ARHGAP1: variants seen among roughly 807,000 people sequenced by gnomAD.
ARHGAP1 encodes the protein Rho GTPase activating protein 1, also known as rho GTPase-activating protein 1.
ARHGAP1 carries 23 observed loss-of-function variants against 52.2 expected under a neutral mutation model. The ratio of observed to expected loss-of-function variants is 0.44; its 90% CI spans 0.32 to 0.62. The LOEUF is 0.62. ARHGAP1 is among the 20% of genes least tolerant of loss of function. ARHGAP1 has a pLI of 0.05. For missense variants in ARHGAP1, 480 were observed against 560.9 expected (o/e 0.86, Z 1.46); for synonymous variants, 210 against 228.4 (o/e 0.92, Z 0.73).
At chr11:46,689,754 T>C (rs1227776030) in intron 3 of ARHGAP1, among the ~76,000 whole-genome samples, 2 of 152,130 alleles carry the variant, frequency 1.3e-5, no homozygotes, top group East Asian at 3.9e-4. Context: ...TTGGCCAAGC[T>C]GGTCTCGAAC....
At chr11:46,692,665 T>C (rs1473440755) in intron 3 of ARHGAP1, among the ~76,000 whole-genome samples, 1 of 152,136 alleles carries the variant, frequency 6.6e-6, no homozygotes, top group Non-Finnish European at 1.5e-5. Context: ...ACCTCCATGA[T>C]GTTATATGAC....
chr11:46,696,394 C>T lies in ARHGAP1; in HGVS notation c.-49-238G>A, dbSNP rs2064655132. On this transcript the variant is annotated intron_variant, in intron 1 of 12. Coordinates refer to ENST00000311956, the MANE Select transcript of ARHGAP1 (RefSeq NM_004308.5). This position sits in a 1 kb window ranked among gnomAD's most constrained non-coding sequence, Gnocchi z 4.8. ...GAGGATGGCACAGCTCAGCGCCTCC[C>T]TCCAGGCCCTGCAGCTGGGGAGGGA... 6.6e-6 allele frequency among the ~76,000 whole-genome samples: 1 copy of T among 152,202 alleles called. No homozygotes were observed. Among genetic ancestry groups the T allele is most frequent in the African/African-American group, 2.4e-5 (1 of 41,446 alleles).
chr11:46,682,300 C>T, intron 4 of ARHGAP1, 118 bp from the exon 5 acceptor site: 2 of 1,356,168 alleles, frequency 1.5e-6, no homozygotes, highest in Non-Finnish European at 1.0e-6. Context: ...AGGCCCTCCC[C>T]TAGCACAGTC....
chr11:46,679,831 T>C lies in ARHGAP1; in HGVS notation c.899-55A>G, dbSNP rs1242367197. ...GGCACAGCCTGAAGGGCAGCACCCA[T>C]CTGCAGACAACGCGGGCCGCACTGC... On this transcript the variant is annotated intron_variant, in intron 10 of 12. Coordinates refer to ENST00000311956, the MANE Select transcript of ARHGAP1 (RefSeq NM_004308.5). This position sits in a 1 kb window ranked among gnomAD's most constrained non-coding sequence, Gnocchi z 4.4. 6.2e-7 allele frequency: 1 copy of C among 1,607,922 alleles called. No individual in the cohort carries two copies. The highest frequency in any genetic ancestry group is 8.5e-7 in the Non-Finnish European group (1 of 1,178,424).
rs560693725 is a variant in ARHGAP1, at chr11:46,696,382, C to A, written c.-49-226G>T. Among the ~76,000 whole-genome samples the A allele has an allele frequency of 1.3e-4, 20 of 152,276 alleles. No homozygotes were observed. In the East Asian group the frequency reaches 3.9e-3, roughly 29 times the overall value. ...GCAGCTGGGGCAGAGGATGGCACAG[C>A]TCAGCGCCTCCCTCCAGGCCCTGCA... On this transcript the variant is annotated intron_variant, in intron 1 of 12. Coordinates refer to ENST00000311956, the MANE Select transcript of ARHGAP1 (RefSeq NM_004308.5). This position sits in a 1 kb window ranked among gnomAD's most constrained non-coding sequence, Gnocchi z 4.8.
At position 46,688,396 on chromosome 11, in the gene ARHGAP1, C is replaced by T. The variant is rs567068139; in HGVS notation, c.230-136G>A. ...CAGAGTGCCCATGCAGACAGACCTC[C>T]GGGCAGCCTCCTGCATGCAAGGGTG... On this transcript the variant is annotated intron_variant, in intron 3 of 12. Transcript: ENST00000311956. 14 of 827,102 alleles carry T rather than the reference C, an allele frequency of 1.7e-5. No individual in the cohort carries two copies. The East Asian group carries it at 2.4e-4, about 14-fold the overall frequency. 51.2% of individuals were successfully genotyped at this position (827,102 alleles called of 1,614,324 possible). A position where few individuals can be genotyped will look rare whatever the true frequency, so the allele number is the denominator to read the frequency against.
chr11:46,696,279 C>A lies in ARHGAP1; in HGVS notation c.-49-123G>T, dbSNP rs1471579698. 1.5e-5 allele frequency: 10 copies of A among 648,968 alleles called. No individual in the cohort carries two copies. Among genetic ancestry groups the A allele is most frequent in the Non-Finnish European group, 2.6e-5 (10 of 384,852 alleles). The allele number at this position is 648,968 out of a possible 1,614,324, so 40.2% of individuals were successfully genotyped here. A position where few individuals can be genotyped will look rare whatever the true frequency, so the allele number is the denominator to read the frequency against. On this transcript the variant is annotated intron_variant, in intron 1 of 12. Transcript: ENST00000311956. The surrounding 1 kb of genome is among the most constrained non-coding windows in gnomAD (Gnocchi z 4.8). ...CAGGCTCCCTGTCCCTATTCCTCAACACTCCTCATCCCCGCCAAGAGCTCC... is the reference window on the plus strand; with the variant it reads ...CAGGCTCCCTGTCCCTATTCCTCAAAACTCCTCATCCCCGCCAAGAGCTCC...
At position 46,680,031 on chromosome 11, in the gene ARHGAP1, GC is replaced by G. The variant is rs1219428168; in HGVS notation, c.898+173del. On this transcript the variant is annotated intron_variant, in intron 10 of 12. Coordinates refer to ENST00000311956, the MANE Select transcript of ARHGAP1 (RefSeq NM_004308.5). This position sits in a 1 kb window ranked among gnomAD's most constrained non-coding sequence, Gnocchi z 5.9. Reference sequence around the variant, plus strand: ...ATGTGCCTATACCCAGGACCCGGGAGCCCGACCGATGAGGCAGCAGGCCTGG... The same window carrying G: ...ATGTGCCTATACCCAGGACCCGGGAGCCGACCGATGAGGCAGCAGGCCTGG... Among the ~76,000 whole-genome samples the G allele has an allele frequency of 6.6e-6, 1 of 152,184 alleles. No individual in the cohort carries two copies. The highest frequency in any genetic ancestry group is 1.5e-5 in the Non-Finnish European group (1 of 68,026).
At position 46,680,763 on chromosome 11, in the gene ARHGAP1, G is replaced by A. The variant is rs755934543; in HGVS notation, c.636-16C>T. The A allele has an allele frequency of 2.0e-5, 30 of 1,520,960 alleles. No individual in the cohort carries two copies. The African/African-American group carries it at 3.5e-4, about 18-fold the overall frequency. 94.2% of individuals were successfully genotyped at this position (1,520,960 alleles called of 1,614,324 possible). ...GTCGTCATATCTGTAGGAGTAGAGGGAGGTGGGTCAGGTCCTGCCTGGCTC... is the reference window on the plus strand; with the variant it reads ...GTCGTCATATCTGTAGGAGTAGAGGAAGGTGGGTCAGGTCCTGCCTGGCTC... On this transcript the variant is annotated splice_polypyrimidine_tract_variant and intron_variant, in intron 7 of 12. Coordinates refer to ENST00000311956, the MANE Select transcript of ARHGAP1 (RefSeq NM_004308.5). The surrounding 1 kb of genome is among the most constrained non-coding windows in gnomAD (Gnocchi z 5.9).
chr11:46,678,069 C>T lies in ARHGAP1; in HGVS notation c.*968G>A. The T allele has an allele frequency of 3.1e-6, 1 of 327,758 alleles. No homozygotes were observed. Among genetic ancestry groups the T allele is most frequent in the Non-Finnish European group, 6.0e-6 (1 of 167,222 alleles). 20.3% of individuals were successfully genotyped at this position (327,758 alleles called of 1,614,324 possible). Reference sequence around the variant, plus strand: ...TCCTACGGGCACTCTTAGTCTCTACCCCAGCCCCTTTAAGAGTCCCCCAGC... The same window carrying T: ...TCCTACGGGCACTCTTAGTCTCTACTCCAGCCCCTTTAAGAGTCCCCCAGC... On this transcript the variant is annotated 3_prime_UTR_variant, in exon 13 of 13. Transcript: ENST00000311956.
chr11:46,693,300 C>CA (rs2064628581), intron 3 of ARHGAP1, among the ~76,000 whole-genome samples: 1 of 143,988 alleles, frequency 6.9e-6, no homozygotes, highest in Non-Finnish European at 1.5e-5. Context: ...CCTGGCTGCA[C>CA]TTTTTTTTTT....
In ARHGAP1 at chr11:46,680,117, G is replaced by C. The variant is rs1013226625; in HGVS notation, c.898+88C>G. ...GAAACCTCCAGCAGGAAGAGACTCTGAGACTCTCATTTACAGGGCAGCAGA... is the reference window on the plus strand; with the variant it reads ...GAAACCTCCAGCAGGAAGAGACTCTCAGACTCTCATTTACAGGGCAGCAGA... On this transcript the variant is annotated intron_variant, in intron 10 of 12. Coordinates refer to ENST00000311956, the MANE Select transcript of ARHGAP1 (RefSeq NM_004308.5). The surrounding 1 kb of genome is among the most constrained non-coding windows in gnomAD (Gnocchi z 5.9). 5 of 1,432,156 alleles carry C rather than the reference G, an allele frequency of 3.5e-6. No individual in the cohort carries two copies. The highest frequency in any genetic ancestry group is 1.7e-5 in the Admixed American group (1 of 59,640). The allele number at this position is 1,432,156 out of a possible 1,614,324, so 88.7% of individuals were successfully genotyped here.
Position 46,686,062 on chromosome 11 carries a change from C to T in ARHGAP1, c.317+2111G>A, listed in dbSNP as rs981035384. On this transcript the variant is annotated intron_variant, in intron 4 of 12. Transcript: ENST00000311956. ...TCTGGGCTCACTGAAATCTCTGCCT[C>T]CCGGGTTCAAGTAATTCTTCTGCCT... Among the ~76,000 whole-genome samples, 64 of 151,542 alleles carry T rather than the reference C, an allele frequency of 4.2e-4. 1 individual carries two copies. Among genetic ancestry groups the T allele is most frequent in the Non-Finnish European group, 5.9e-5 (4 of 67,958 alleles).
intron 4 of ARHGAP1, among the ~76,000 whole-genome samples, chr11:46,684,020 A>C (rs1007135504): frequency 6.6e-6 from 1 of 152,182 alleles, no homozygotes; most frequent in African/African-American, 2.4e-5. Flanking sequence ...CTGGGCAGGC[A>C]GAATGCTAAG....
intron 3 of ARHGAP1, among the ~76,000 whole-genome samples, chr11:46,690,803 C>T (rs1048469415): frequency 6.6e-6 from 1 of 152,116 alleles, no homozygotes; most frequent in Non-Finnish European, 1.5e-5. Context: ...CCCTGACAGG[C>T]TTGTGAGCAG....
chr11:46,688,393 C>T, intron 3 of ARHGAP1, 133 bp from the exon 4 acceptor site: 1 of 849,138 alleles, frequency 1.2e-6, no homozygotes, highest in Non-Finnish European at 1.9e-6. Flanking sequence ...GCAGACAGAC[C>T]TCCGGGCAGC....
At position 46,679,676 on chromosome 11, in the gene ARHGAP1, G is replaced by T. The variant is rs765265297; in HGVS notation, c.999C>A (p.Asp333Glu). 6.2e-7 allele frequency: 1 copy of T among 1,614,130 alleles called. No homozygotes were observed. Among genetic ancestry groups the T allele is most frequent in the Non-Finnish European group, 8.5e-7 (1 of 1,180,010 alleles). The change falls in exon 11 of 13, where the codon GAC becomes GAA. Residue 333 changes from aspartate (D) to glutamate (E), a missense_variant. Asp to Glu is a conservative substitution (Grantham distance 45, BLOSUM62 2). Coordinates refer to ENST00000311956, the MANE Select transcript of ARHGAP1 (RefSeq NM_004308.5). This position sits in a 1 kb window ranked among gnomAD's most constrained non-coding sequence, Gnocchi z 4.4. ...GGAAGCCCACCACATGGGGGTAGAG[G>T]TCAAAGGTGAGCAGGGGCTCAGGAA... ...RELPEPLLTF[D>E]LYPHVVGFLN...
Position 46,696,822 on chromosome 11 carries a change from T to C in ARHGAP1, c.-49-666A>G, listed in dbSNP as rs1470296378. On this transcript the variant is annotated intron_variant, in intron 1 of 12. Coordinates refer to ENST00000311956, the MANE Select transcript of ARHGAP1 (RefSeq NM_004308.5). The surrounding 1 kb of genome is among the most constrained non-coding windows in gnomAD (Gnocchi z 4.8). ...AGGCGGAGGTTGCAGTGAGCCGAGATTGTGCCATTGCACTTCCAGCCTAGG... is the reference window on the plus strand; with the variant it reads ...AGGCGGAGGTTGCAGTGAGCCGAGACTGTGCCATTGCACTTCCAGCCTAGG... Among the ~76,000 whole-genome samples the C allele has an allele frequency of 6.6e-6, 1 of 152,166 alleles. No homozygotes were observed. Among genetic ancestry groups the C allele is most frequent in the Non-Finnish European group, 1.5e-5 (1 of 68,030 alleles).
Position 46,681,122 on chromosome 11 carries a change from G to C in ARHGAP1, c.537-13C>G, listed in dbSNP as rs370803864. On this transcript the variant is annotated splice_polypyrimidine_tract_variant and intron_variant, in intron 6 of 12. Coordinates refer to ENST00000311956, the MANE Select transcript of ARHGAP1 (RefSeq NM_004308.5). The surrounding 1 kb of genome is among the most constrained non-coding windows in gnomAD (Gnocchi z 5.7). Reference sequence around the variant, plus strand: ...CCCGAACTTGAAGCTGTTGGTGGAAGAAAGGGCCTGGGTTGTGGGGGCCCG... The same window carrying C: ...CCCGAACTTGAAGCTGTTGGTGGAACAAAGGGCCTGGGTTGTGGGGGCCCG... 1,381 of 1,612,674 alleles carry C rather than the reference G, an allele frequency of 8.6e-4. 1 individual carries two copies. Among genetic ancestry groups the C allele is most frequent in the Non-Finnish European group, 9.9e-4 (1,164 of 1,178,666 alleles).
Sources: allele counts gnomAD v4.1 joint callset (sites outside exome capture counted in the v4.1 genomes callset), GRCh38; gene constraint gnomAD v4.1.1; non-coding constraint Gnocchi (gnomAD v3.1); transcripts MANE v1.5; gene names NCBI Gene and HGNC (gene_info 2026-07-23, HGNC 2026-07-21).